The following CACNA2D3 variants were observed in gnomAD, a reference collection of about 807,000 sequenced individuals.
The protein encoded by CACNA2D3 is calcium voltage-gated channel auxiliary subunit alpha2delta 3.
CACNA2D3 carries 60 observed loss-of-function variants against 160.6 expected under a neutral mutation model. The ratio of observed to expected loss-of-function variants is 0.37; its 90% CI spans 0.30 to 0.46. The LOEUF is 0.46. Ranked by LOEUF, CACNA2D3 falls within the 20% of genes least tolerant of loss-of-function variation. The pLI is 1.00. For missense variants in CACNA2D3, 1,205 were observed against 1,365.0 expected, an observed-to-expected ratio of 0.88 and a Z score of 1.85; for synonymous variants, 558 against 492.9, an observed-to-expected ratio of 1.13 and a Z score of -1.75.
chr3:54,426,346 C>T (rs1259697177), intron 4 of CACNA2D3, among the ~76,000 whole-genome samples: 1 of 152,210 alleles, frequency 6.6e-6, no homozygotes, highest in Non-Finnish European at 1.5e-5. Flanking sequence ...AGCCTTCCGT[C>T]TTTGTTATAA....
intron 4 of CACNA2D3, among the ~76,000 whole-genome samples, chr3:54,472,257 A>C (rs1256800100): frequency 1.3e-5 from 2 of 152,234 alleles, no homozygotes. Context: ...ACAAATCAAT[A>C]AATGTAATCC....
chr3:55,008,003 C>T (rs557921187), intron 33 of CACNA2D3, among the ~76,000 whole-genome samples, 161 bp downstream of exon 33: 1 of 152,160 alleles, frequency 6.6e-6, no homozygotes, highest in Non-Finnish European at 1.5e-5. Context: ...ACACAGAGAC[C>T]AAAAAATGAT....
At chr3:54,581,968 C>A in intron 9 of CACNA2D3, 91 bp downstream of exon 9, 1 of 1,070,936 alleles carries the variant, frequency 9.3e-7, no homozygotes, top group Non-Finnish European at 1.4e-6. Flanking sequence ...TTATCAAATG[C>A]ACTGCCCTTT....
At chr3:54,965,596 G>C (rs1702130012) in intron 27 of CACNA2D3, among the ~76,000 whole-genome samples, 1 of 152,170 alleles carries the variant, frequency 6.6e-6, no homozygotes, top group African/African-American at 2.4e-5. Context: ...GTAGAGCTTA[G>C]TACTCACTGA....
intron 3 of CACNA2D3, among the ~76,000 whole-genome samples, chr3:54,321,829 C>A (rs1704004305): frequency 6.8e-6 from 1 of 147,312 alleles, no homozygotes; most frequent in Admixed American, 7.0e-5. Context: ...GTTCTTTATG[C>A]ATATGAAAGC....
At chr3:55,056,653 A>G (rs1238157555) in intron 35 of CACNA2D3, among the ~76,000 whole-genome samples, 1 of 152,190 alleles carries the variant, frequency 6.6e-6, no homozygotes, top group Non-Finnish European at 1.5e-5. Flanking sequence ...GTCATTTGCA[A>G]CATCATGGAT....
intron 24 of CACNA2D3, 97 bp downstream of exon 24, chr3:54,888,149 G>A: frequency 1.0e-6 from 1 of 968,694 alleles, no homozygotes; most frequent in East Asian, 2.5e-5. Context: ...TTAGGAACCT[G>A]GTGTTAAAGT....
intron 5 of CACNA2D3, among the ~76,000 whole-genome samples, chr3:54,554,868 C>CTTTTTT (rs1248489904): frequency 1.1e-5 from 1 of 88,172 alleles, no homozygotes; most frequent in African/African-American, 5.0e-5. Context: ...CTCTCTCACT[C>CTTTTTT]TCTTTTTTTT....
intron 27 of CACNA2D3, among the ~76,000 whole-genome samples, chr3:54,906,559 A>G (rs1164536623): frequency 6.6e-6 from 1 of 152,194 alleles, no homozygotes; most frequent in Non-Finnish European, 1.5e-5. Flanking sequence ...GAGATTCCTC[A>G]TCCATGTGTC....
rs569650989 is a variant in CACNA2D3, at chr3:54,284,010, C to T, written c.205-36432C>T. 9.9e-5 allele frequency among the ~76,000 whole-genome samples: 15 copies of T among 152,130 alleles called. No homozygotes were observed. In the East Asian group the frequency reaches 1.7e-3, roughly 18 times the overall value. On this transcript the variant is annotated intron_variant, in intron 2 of 37. Transcript: ENST00000474759. ...ACAGGAGAAGGAGGTTGCATTGAGC[C>T]GAGATTGCACCGCTGCACTCCAGCC... is the stretch of plus-strand genomic sequence containing the variant.
intron 5 of CACNA2D3, among the ~76,000 whole-genome samples, chr3:54,544,699 C>G (rs964329744): frequency 6.6e-6 from 1 of 152,158 alleles, no homozygotes; most frequent in African/African-American, 2.4e-5. Context: ...TGCCTGACCT[C>G]AAGCCAGCTT....
At chr3:54,937,956 C>T (rs1201742138) in intron 27 of CACNA2D3, among the ~76,000 whole-genome samples, 1 of 152,176 alleles carries the variant, frequency 6.6e-6, no homozygotes. Flanking sequence ...TGGTTTTCAC[C>T]ATCTGACCAT....
chr3:54,320,151 T>C (rs1392044555), intron 2 of CACNA2D3, among the ~76,000 whole-genome samples: 2 of 152,218 alleles, frequency 1.3e-5, no homozygotes, highest in African/African-American at 4.8e-5. Flanking sequence ...TTGAGTCAAC[T>C]GTGGGTGAAA....
chr3:54,674,954 T>G (rs1415202924), intron 11 of CACNA2D3, among the ~76,000 whole-genome samples: 1 of 152,020 alleles, frequency 6.6e-6, no homozygotes, highest in Admixed American at 6.6e-5. Context: ...TCACTAAGAA[T>G]GACAACAGGA....
intron 2 of CACNA2D3, among the ~76,000 whole-genome samples, chr3:54,234,362 T>C (rs1435777416): frequency 2.6e-5 from 4 of 152,154 alleles, no homozygotes; most frequent in Non-Finnish European, 5.9e-5. Flanking sequence ...AAAAAGCAGA[T>C]GCTGGTGAGG....
intron 2 of CACNA2D3, among the ~76,000 whole-genome samples, chr3:54,186,774 A>C (rs1046393715): frequency 7.9e-5 from 12 of 152,140 alleles, no homozygotes; most frequent in Non-Finnish European, 1.0e-4. Context: ...AAAGTGGGTG[A>C]ATTAAATGGG....
intron 4 of CACNA2D3, among the ~76,000 whole-genome samples, chr3:54,438,718 A>G (rs1700096385): frequency 6.6e-6 from 1 of 152,224 alleles, no homozygotes; most frequent in Non-Finnish European, 1.5e-5. Flanking sequence ...ATAGTGAGAG[A>G]CATTAAGTGC....
chr3:54,232,256 T>C (rs954657594), intron 2 of CACNA2D3, among the ~76,000 whole-genome samples: 1 of 152,162 alleles, frequency 6.6e-6, no homozygotes, highest in Admixed American at 6.5e-5. Flanking sequence ...CCTTTGAAGC[T>C]TGGGGGTTTT....
chr3:54,476,260 G>GTA (rs557345197), intron 4 of CACNA2D3, among the ~76,000 whole-genome samples: 1,939 of 148,240 alleles, frequency 0.013, 30 homozygotes, highest in African/African-American at 0.044. Flanking sequence ...GTGTGTGTGT[G>GTA]TATATATATA....
Sources: allele counts gnomAD v4.1 joint callset (sites outside exome capture counted in the v4.1 genomes callset), GRCh38; gene constraint gnomAD v4.1.1; transcripts MANE v1.5; gene names NCBI Gene and HGNC (gene_info 2026-07-23, HGNC 2026-07-21).